Variants in ANO3 observed in about 807,000 individuals in gnomAD.
ANO3 encodes the protein anoctamin 3, also known as anoctamin-3.
Under a neutral mutation model 144.8 loss-of-function variants are expected in ANO3, and 99 were observed. The ratio of observed to expected loss-of-function variants is 0.68; its 90% CI spans 0.58 to 0.81. The LOEUF is 0.81. Among genes scored for constraint, ANO3 ranks in the 30% least tolerant of loss-of-function variants. The pLI is 0.00. For synonymous variants in ANO3, 414 were observed against 392.6 expected (o/e 1.05, Z -0.64); for missense variants, 905 against 1,202.2 (o/e 0.75, Z 3.66).
intron 1 of ANO3, among the ~76,000 whole-genome samples, chr11:26,391,896 T>C (rs964139748): frequency 5.9e-5 from 9 of 152,122 alleles, no homozygotes; most frequent in African/African-American, 1.9e-4. Flanking sequence ...TTTTATTCCA[T>C]CGTTAAAGCT....
chr11:26,483,006 A>G (rs1267709427), intron 4 of ANO3, among the ~76,000 whole-genome samples: 2 of 151,950 alleles, frequency 1.3e-5, no homozygotes, highest in African/African-American at 4.8e-5. Flanking sequence ...TATCTTTGCT[A>G]TTGTGAACAG....
At position 26,662,620 on chromosome 11, in the gene ANO3, C is replaced by T. The variant is rs993969656; in HGVS notation, c.*2176C>T. ...CGTTAGGGTTTAAAACCATATTGATCAACTAGAAAGAAAAATATGAAAAGA... is the reference window on the plus strand; with the variant it reads ...CGTTAGGGTTTAAAACCATATTGATTAACTAGAAAGAAAAATATGAAAAGA... On this transcript the variant is annotated 3_prime_UTR_variant, in exon 27 of 27. Coordinates refer to ENST00000256737, the MANE Select transcript of ANO3 (RefSeq NM_031418.4). The T allele has an allele frequency of 6.6e-6, 1 of 151,714 alleles. No homozygotes were observed. Among genetic ancestry groups the T allele is most frequent in the African/African-American group, 2.4e-5 (1 of 41,276 alleles). 9.4% of individuals were successfully genotyped at this position (151,714 alleles called of 1,614,324 possible).
intron 1 of ANO3, among the ~76,000 whole-genome samples, chr11:26,220,519 CTTACAG>C (rs1380067115): frequency 7.4e-6 from 1 of 135,888 alleles, no homozygotes; most frequent in Non-Finnish European, 1.7e-5. Context: ...ATTCTCACTT[CTTACAG>C]TTAGGCTAAA....
intron 1 of ANO3, among the ~76,000 whole-genome samples, chr11:26,223,125 T>G (rs1455701447): frequency 6.6e-6 from 1 of 152,168 alleles, no homozygotes; most frequent in Non-Finnish European, 1.5e-5. Flanking sequence ...TATGTTTCAA[T>G]TTTAAGTTGT....
rs1849729404 is a variant in ANO3 at position 26,544,281 on chromosome 11, T to TATATATATAC, written c.1154+2214_1154+2215insTATATATACA. ...ATATATATATATATATATACACACA[T>TATATATATAC]ACACACACACACACACATATGTATA... On this transcript the variant is annotated intron_variant, in intron 11 of 26. Coordinates refer to ENST00000256737, the MANE Select transcript of ANO3 (RefSeq NM_031418.4). Among the ~76,000 whole-genome samples, 69 of 86,976 alleles carry TATATATATAC rather than the reference T, an allele frequency of 7.9e-4. 1 individual carries two copies. The highest frequency in any genetic ancestry group is 2.7e-3 in the African/African-American group (69 of 25,316). The allele number at this position is 86,976 out of a possible 152,430, so 57.1% of individuals were successfully genotyped here.
intron 17 of ANO3, among the ~76,000 whole-genome samples, chr11:26,600,985 A>G (rs1486335483): frequency 6.6e-6 from 1 of 152,180 alleles, no homozygotes; most frequent in Non-Finnish European, 1.5e-5. Context: ...AATCAGGTCT[A>G]TCAATGGGAA....
chr11:26,541,874 A>G (rs1849653818), intron 10 of ANO3, 73 bp from the exon 11 acceptor site: 1 of 1,404,086 alleles, frequency 7.1e-7, no homozygotes, highest in Admixed American at 2.3e-5. Context: ...TCTGCAAGGG[A>G]AAATACAGTT....
chr11:26,542,037 T>A lies in ANO3; in HGVS notation c.1123T>A (p.Trp375Arg). The change falls in exon 11 of 27, where the codon TGG (tryptophan) becomes AGG (arginine). Residue 375 changes from tryptophan to arginine, a missense_variant. Physicochemically the swap from Trp to Arg is moderately radical, Grantham distance 101 (BLOSUM62 -3). Around this residue, in one of 4 missense-constraint regions of ANO3, gnomAD observed 597 missense variants for 865.1 expected, o/e 0.69. Transcript: ENST00000256737. ...LYERWARWGM[W>R]YKHQPLDLIR... Reference sequence around the variant, plus strand: ...TGAGCGCTGGGCACGCTGGGGAATGTGGTATAAGCATCAGCCTCTGGATTT... The same window carrying A: ...TGAGCGCTGGGCACGCTGGGGAATGAGGTATAAGCATCAGCCTCTGGATTT... 6.2e-7 allele frequency: 1 copy of A among 1,612,496 alleles called. No homozygotes were observed. The highest frequency in any genetic ancestry group is 8.5e-7 in the Non-Finnish European group (1 of 1,179,048).
intron 1 of ANO3, among the ~76,000 whole-genome samples, chr11:26,384,403 G>C (rs2133953994): frequency 6.6e-6 from 1 of 152,212 alleles, no homozygotes; most frequent in South Asian, 2.1e-4. Context: ...AAGTCTGCAA[G>C]AATCATACCT....
upstream of ANO3, among the ~76,000 whole-genome samples, chr11:26,307,893 A>G (rs915216271): frequency 6.6e-6 from 1 of 151,870 alleles, no homozygotes; most frequent in Non-Finnish European, 1.5e-5. Flanking sequence ...GGCTTCTCTA[A>G]CCCCATTTTC....
chr11:26,499,048 TTTTA>T (rs1193523069), intron 4 of ANO3, among the ~76,000 whole-genome samples: 6 of 151,932 alleles, frequency 3.9e-5, no homozygotes, highest in African/African-American at 1.4e-4. Flanking sequence ...TGATGGACTA[TTTTA>T]TTTGTTTTCA....
chr11:26,569,241 C>A (rs1850722216), intron 14 of ANO3, among the ~76,000 whole-genome samples: 1 of 152,094 alleles, frequency 6.6e-6, no homozygotes, highest in Non-Finnish European at 1.5e-5. Flanking sequence ...TCAACACCCC[C>A]AAACGTGCGA....
chr11:26,550,324 C>T (rs1223967514), intron 12 of ANO3, among the ~76,000 whole-genome samples: 1 of 151,750 alleles, frequency 6.6e-6, no homozygotes, highest in African/African-American at 2.4e-5. Context: ...TTTTTAAGTG[C>T]ACAAGACAGT....
rs746594190 is a variant in ANO3, at chr11:26,660,402, A to G, written c.2904A>G (p.Gln968=). Residue 968 remains glutamine, a synonymous_variant, in exon 27 of 27, where the codon CAA becomes CAG. Coordinates refer to ENST00000256737, the MANE Select transcript of ANO3 (RefSeq NM_031418.4). ...YEAELEHLQQ[Q]RRKSGQPVHH... is the part of the protein sequence containing the mutation. ...CTGAACTGGAACATTTGCAACAACA[A>G]CGGAGAAAAAGTGGTCAGCCTGTTC... The G allele has an allele frequency of 6.2e-7, 1 of 1,612,966 alleles. No homozygotes were observed. Among genetic ancestry groups the G allele is most frequent in the Non-Finnish European group, 8.5e-7 (1 of 1,179,422 alleles).
At chr11:26,245,479 TTTC>T (rs1174241359) in intron 1 of ANO3, among the ~76,000 whole-genome samples, 1 of 152,212 alleles carries the variant, frequency 6.6e-6, no homozygotes, top group East Asian at 1.9e-4. Flanking sequence ...CTTAGATTAC[TTTC>T]TTATGTAAGG....
chr11:26,434,248 C>T (rs1408426185), intron 1 of ANO3, among the ~76,000 whole-genome samples: 1 of 152,010 alleles, frequency 6.6e-6, no homozygotes, highest in Non-Finnish European at 1.5e-5. Context: ...ACTTTTATTC[C>T]TGTGGGGTCG....
In ANO3 at chr11:26,623,752, A is replaced by G. The variant is rs1417286432; in HGVS notation, c.1837-710A>G. Among the ~76,000 whole-genome samples the G allele has an allele frequency of 2.6e-5, 4 of 151,692 alleles. No individual in the cohort carries two copies. In the East Asian group the frequency reaches 7.7e-4, roughly 29 times the overall value. On this transcript the variant is annotated intron_variant, in intron 17 of 26. Coordinates refer to ENST00000256737, the MANE Select transcript of ANO3 (RefSeq NM_031418.4). Reference sequence around the variant, plus strand: ...TTCCAGTGTTGTAAAAAAAAACACAATTTTTTTAATTTTTAATTTTTATTT... The same window carrying G: ...TTCCAGTGTTGTAAAAAAAAACACAGTTTTTTTAATTTTTAATTTTTATTT...
At chr11:26,427,766 ACT>A (rs1294553740) in intron 1 of ANO3, among the ~76,000 whole-genome samples, 1 of 152,074 alleles carries the variant, frequency 6.6e-6, no homozygotes, top group African/African-American at 2.4e-5. Context: ...GGTTTAATTG[ACT>A]CACAGTTCAG....
chr11:26,638,570 G>A (rs1038950670), intron 20 of ANO3, among the ~76,000 whole-genome samples: 1 of 152,166 alleles, frequency 6.6e-6, no homozygotes, highest in East Asian at 1.9e-4. Context: ...GCAAAGAGAG[G>A]AAAACTGGTG....
Sources: gnomAD v4.1 joint callset for allele counts (sites outside exome capture counted in the v4.1 genomes callset) on GRCh38, gnomAD v4.1.1 for gene constraint, gnomAD v4.1.1 regional missense constraint, MANE v1.5 for transcripts, NCBI Gene and HGNC (gene_info 2026-07-23, HGNC 2026-07-21) for gene names.